The following OTOG variants were observed in gnomAD, a reference collection of about 807,000 sequenced individuals.
OTOG encodes otogelin.
In OTOG, 296 loss-of-function variants were observed where a neutral mutation model predicts 313.8. That is an observed-to-expected ratio of 0.94 (90% CI 0.86 to 1.04). OTOG has a LOEUF of 1.04. Among genes scored for constraint, OTOG ranks in the 50% least tolerant of loss-of-function variants. OTOG has a pLI of 0.00. For synonymous variants in OTOG, 1,533 were observed against 1,554.9 expected, an observed-to-expected ratio of 0.99 and a Z score of 0.33; for missense variants, 3,948 against 3,840.1, an observed-to-expected ratio of 1.03 and a Z score of -0.74.
chr11:17,561,133 C>A lies in OTOG; in HGVS notation c.1494C>A (p.Cys498Ter). Residue 498 changes from cysteine (C) to a stop codon, truncating the protein, a stop_gained, in exon 14 of 56, where the codon TGC becomes TGA. Coordinates refer to ENST00000399397, the MANE Select transcript of OTOG (RefSeq NM_001292063.2). LOFTEE classifies it high-confidence loss of function. ...AGTGGGAGTGCAGCACAGCTGTCTG[C>A]CCAGGTATGTCTGCCCCCCACCTTG... Reference protein sequence around the residue: ...SGKWECSTAVCPAECSVTGDI... With the variant: ...SGKWECSTAV 6.4e-7 allele frequency: 1 copy of A among 1,550,546 alleles called. No homozygotes were observed. The highest frequency in any genetic ancestry group is 1.7e-4 in the Middle Eastern group (1 of 5,992).
intron 25 of OTOG, among the ~76,000 whole-genome samples, chr11:17,591,800 C>T (rs1240383087): frequency 1.3e-5 from 2 of 152,174 alleles, no homozygotes; most frequent in South Asian, 2.1e-4. Flanking sequence ...GTCTGCTCAC[C>T]ATTATAATCT....
At chr11:17,582,957 A>G (rs1455389334) in intron 23 of OTOG, among the ~76,000 whole-genome samples, 1 of 151,984 alleles carries the variant, frequency 6.6e-6, no homozygotes, top group Non-Finnish European at 1.5e-5. Context: ...TTCTGATGAG[A>G]AGTTTTTAAT....
intron 17 of OTOG, among the ~76,000 whole-genome samples, chr11:17,571,292 T>C (rs900292631): frequency 4.6e-5 from 7 of 152,224 alleles, no homozygotes; most frequent in African/African-American, 1.7e-4. Context: ...TTTGCCACTT[T>C]CCTAAATGTA....
chr11:17,586,445 C>A (rs1001804010), intron 23 of OTOG, 29 bp from the exon 24 acceptor site: 2 of 1,318,974 alleles, frequency 1.5e-6, no homozygotes, highest in Non-Finnish European at 2.0e-6. Context: ...GAGTGCTCTC[C>A]TGACCGCCTG....
At chr11:17,563,854 G>T (rs796384534) in intron 15 of OTOG, among the ~76,000 whole-genome samples, 2,247 of 106,794 alleles carry the variant, frequency 0.021, 98 homozygotes, top group African/African-American at 0.073. Flanking sequence ...CTAGTTTTTG[G>T]TTTTTTTTTT....
At chr11:17,638,362 A>T in intron 47 of OTOG, 89 bp from the exon 48 acceptor site, 2 of 1,101,786 alleles carry the variant, frequency 1.8e-6, no homozygotes, top group Non-Finnish European at 2.6e-6. Context: ...AGCTGGGGGT[A>T]GCCTCTCTTT....
intron 42 of OTOG, among the ~76,000 whole-genome samples, chr11:17,632,735 A>T (rs562909082): frequency 6.6e-6 from 1 of 152,052 alleles, no homozygotes; most frequent in South Asian, 2.1e-4. Flanking sequence ...TCCCCCAATT[A>T]GGTTTGACTG....
At chr11:17,591,102 A>T (rs1278648204) in intron 24 of OTOG, among the ~76,000 whole-genome samples, 1 of 152,184 alleles carries the variant, frequency 6.6e-6, no homozygotes, top group Non-Finnish European at 1.5e-5. Context: ...TGTATCACAA[A>T]ATTTTGGAAG....
At chr11:17,574,526 G>A (rs1459449296) in intron 19 of OTOG, among the ~76,000 whole-genome samples, 194 bp from the exon 20 acceptor site, 1 of 152,184 alleles carries the variant, frequency 6.6e-6, no homozygotes, top group Non-Finnish European at 1.5e-5. Flanking sequence ...CCGTTCCAGT[G>A]TATTGGTAGG....
chr11:17,595,915 T>C (rs536461890), intron 28 of OTOG, 123 bp from the exon 29 acceptor site: 99 of 704,374 alleles, frequency 1.4e-4, no homozygotes, highest in Non-Finnish European at 2.4e-4. Flanking sequence ...GGGGAGGAGA[T>C]TTTACAAGGA....
At chr11:17,578,278 C>G in intron 22 of OTOG, 95 bp from the exon 23 acceptor site, 2 of 1,408,114 alleles carry the variant, frequency 1.4e-6, no homozygotes, top group Non-Finnish European at 1.8e-6. Context: ...GACTTCCGAG[C>G]CCGTCTCTCC....
At chr11:17,568,583 A>G (rs1170300903) in intron 15 of OTOG, among the ~76,000 whole-genome samples, 1 of 152,226 alleles carries the variant, frequency 6.6e-6, no homozygotes, top group East Asian at 1.9e-4. Flanking sequence ...AGTCTGATAC[A>G]GTATGCCTTG....
rs1045673589 is a variant in OTOG, at chr11:17,638,981, G to C, written c.7894+432G>C. 13 of 380,778 alleles carry C rather than the reference G, an allele frequency of 3.4e-5. No individual in the cohort carries two copies. The Admixed American group carries it at 3.9e-4, about 12-fold the overall frequency. The allele number at this position is 380,778 out of a possible 1,614,324, so 23.6% of individuals were successfully genotyped here. On this transcript the variant is annotated intron_variant, in intron 48 of 55. Transcript: ENST00000399397. ...GGCACGGTGATAGGTGCCTTTAAGA[G>C]GGTGGACGTTGCAGTGAGTCAAGAT...
rs1488133399 is a variant in OTOG, at chr11:17,576,641, T to C, written c.2561+11T>C. The C allele has an allele frequency of 1.1e-5, 17 of 1,543,868 alleles. No individual in the cohort carries two copies. The highest frequency in any genetic ancestry group is 1.4e-5 in the Non-Finnish European group (16 of 1,140,944). The stretch of plus-strand genomic sequence containing the variant: ...ATCCCTGGGCCACTGGTGAGCTCCG[T>C]AGGTAGCAGCCTTCTTGTCCTCTCT... On this transcript the variant is annotated intron_variant, in intron 21 of 55. Transcript: ENST00000399397.
At chr11:17,565,461 T>C (rs1467622192) in intron 15 of OTOG, among the ~76,000 whole-genome samples, 1 of 152,170 alleles carries the variant, frequency 6.6e-6, no homozygotes, top group Non-Finnish European at 1.5e-5. Flanking sequence ...GAGGTAGTGT[T>C]TTTCAGGTTT....
rs752447596 is a variant in OTOG at position 17,635,187 on chromosome 11, G to A, written c.7693G>A (p.Ala2565Thr). The A allele has an allele frequency of 2.1e-5, 33 of 1,540,728 alleles. No individual in the cohort carries two copies. The highest frequency in any genetic ancestry group is 4.9e-5 in the East Asian group (2 of 40,904). Residue 2565 changes from alanine (A) to threonine (T), a missense_variant and splice_region_variant, in exon 46 of 56, where the codon GCC (alanine) becomes ACC (threonine). By Grantham distance (58) the Ala-to-Thr change is moderately conservative. Transcript: ENST00000399397. Reference protein sequence around the residue: ...GDSCCTSYFCACGDCPDSIPE... With the variant: ...GDSCCTSYFCTCGDCPDSIPE... ...CTCCTGCTGCACCTCCTACTTCTGC[G>A]GTGGGTCGCCGCCACCAGACGCCAG...
At chr11:17,594,615 A>C (rs1208690773) in intron 28 of OTOG, among the ~76,000 whole-genome samples, 2 of 152,176 alleles carry the variant, frequency 1.3e-5, no homozygotes, top group African/African-American at 4.8e-5. Context: ...TATATCAGAG[A>C]TAAGGTCTCT....
chr11:17,610,456 T>G lies in OTOG; in HGVS notation c.5156T>G (p.Ile1719Arg). Residue 1719 changes from isoleucine (I) to arginine (R), a missense_variant, in exon 36 of 56, where the codon ATA becomes AGA. Physicochemically the swap from Ile to Arg is moderately conservative, Grantham distance 97. Coordinates refer to ENST00000399397, the MANE Select transcript of OTOG (RefSeq NM_001292063.2). ...CCCCTTGCAACCAGGAGCTTGGAGA[T>G]AGTGCTATCCACAGAGAAGGGCGAA... Reference protein sequence around the residue: ...VSPLATRSLEIVLSTEKGEAG... With the variant: ...VSPLATRSLERVLSTEKGEAG... The G allele has an allele frequency of 1.3e-6, 2 of 1,550,530 alleles. No individual in the cohort carries two copies. Among genetic ancestry groups the G allele is most frequent in the African/African-American group, 1.4e-5 (1 of 73,134 alleles).
intron 47 of OTOG, among the ~76,000 whole-genome samples, chr11:17,636,229 G>A (rs995163334): frequency 6.6e-6 from 1 of 152,096 alleles, no homozygotes; most frequent in Non-Finnish European, 1.5e-5. Flanking sequence ...TATACATGTA[G>A]ACATGTATAG....
Sources: allele counts gnomAD v4.1 joint callset (sites outside exome capture counted in the v4.1 genomes callset), GRCh38; gene constraint gnomAD v4.1.1; transcripts MANE v1.5; gene names NCBI Gene and HGNC (gene_info 2026-07-23, HGNC 2026-07-21).